The following LRMDA variants were observed in gnomAD, a reference collection of about 807,000 sequenced individuals.
LRMDA encodes leucine-rich melanocyte differentiation-associated protein.
LRMDA carries 18 observed loss-of-function variants against 29.8 expected under a neutral mutation model. The observed-to-expected ratio is 0.60, with a 90% CI of 0.42 to 0.90. The LOEUF (loss-of-function observed/expected upper bound fraction) is 0.90, where lower values mean the gene tolerates loss of function less well. LRMDA is among the 40% of genes least tolerant of loss of function. The pLI is 0.00. For synonymous variants in LRMDA, 125 were observed against 109.4 expected, an observed-to-expected ratio of 1.14 and a Z score of -0.89; for missense variants, 273 against 273.9, an observed-to-expected ratio of 1.00 and a Z score of 0.02.
intron 2 of LRMDA, among the ~76,000 whole-genome samples, chr10:75,725,134 T>A (rs1842615469): frequency 6.6e-6 from 1 of 152,236 alleles, no homozygotes. Context: ...TATGGCTAAA[T>A]GTCCTAAATA....
At chr10:76,368,820 T>C (rs1012657170) in intron 6 of LRMDA, among the ~76,000 whole-genome samples, 1 of 152,204 alleles carries the variant, frequency 6.6e-6, no homozygotes, top group Non-Finnish European at 1.5e-5. Context: ...TTGTGATATT[T>C]TCCTGTTGGA....
intron 2 of LRMDA, among the ~76,000 whole-genome samples, chr10:75,458,463 G>T (rs1844546406): frequency 8.8e-6 from 1 of 114,166 alleles, no homozygotes; most frequent in African/African-American, 2.6e-5. Context: ...TGTTTTAAAA[G>T]GGAAGAGGGA....
intron 2 of LRMDA, among the ~76,000 whole-genome samples, chr10:75,697,653 A>G (rs1347919247): frequency 6.6e-6 from 1 of 152,166 alleles, no homozygotes; most frequent in Non-Finnish European, 1.5e-5. Context: ...GTGGCATCAG[A>G]AAGAGATTTT....
intron 5 of LRMDA, among the ~76,000 whole-genome samples, chr10:76,219,095 A>T (rs1373805501): frequency 6.6e-6 from 1 of 152,208 alleles, no homozygotes; most frequent in Non-Finnish European, 1.5e-5. Context: ...GGCCTGCCCT[A>T]AAAGAACTCC....
chr10:75,443,645 G>C (rs1844356379), intron 2 of LRMDA, among the ~76,000 whole-genome samples: 1 of 152,114 alleles, frequency 6.6e-6, no homozygotes, highest in Non-Finnish European at 1.5e-5. Context: ...TGTTCATCAG[G>C]GATATTGGCT....
At chr10:76,222,664 T>C (rs1336218110) in intron 5 of LRMDA, among the ~76,000 whole-genome samples, 9 of 152,240 alleles carry the variant, frequency 5.9e-5, no homozygotes, top group Admixed American at 3.3e-4. Context: ...TTTTACACTG[T>C]TGGTGGGACT....
chr10:75,580,797 T>G (rs1359018940), intron 2 of LRMDA, among the ~76,000 whole-genome samples: 3 of 152,154 alleles, frequency 2.0e-5, no homozygotes, highest in Non-Finnish European at 4.4e-5. Flanking sequence ...TTGACAAACC[T>G]GACAAAATCA....
At chr10:76,531,191 A>G (rs1057244883) in intron 6 of LRMDA, among the ~76,000 whole-genome samples, 7 of 152,110 alleles carry the variant, frequency 4.6e-5, no homozygotes, top group African/African-American at 1.7e-4. Context: ...CTAATATGGG[A>G]GAGACCAGCC....
chr10:76,377,485 G>A (rs1841535436), intron 6 of LRMDA, among the ~76,000 whole-genome samples: 2 of 152,146 alleles, frequency 1.3e-5, no homozygotes, highest in Admixed American at 1.3e-4. Flanking sequence ...TGTCAGAAGA[G>A]TTTTTGCTAA....
At chr10:76,550,961 C>T (rs1394218303) in intron 6 of LRMDA, among the ~76,000 whole-genome samples, 2 of 152,244 alleles carry the variant, frequency 1.3e-5, no homozygotes, top group African/African-American at 4.8e-5. Context: ...TAGCACATCA[C>T]ATGGGCTGAC....
intron 2 of LRMDA, among the ~76,000 whole-genome samples, chr10:75,719,670 T>C (rs1206555923): frequency 6.6e-6 from 1 of 152,208 alleles, no homozygotes; most frequent in Non-Finnish European, 1.5e-5. Flanking sequence ...AGGTAGGGTT[T>C]GCACAGCATT....
At chr10:75,597,679 G>C (rs2132088916) in intron 2 of LRMDA, among the ~76,000 whole-genome samples, 1 of 152,166 alleles carries the variant, frequency 6.6e-6, no homozygotes, top group East Asian at 1.9e-4. Flanking sequence ...TAAGACGATT[G>C]GTAGCCTGTT....
intron 6 of LRMDA, among the ~76,000 whole-genome samples, chr10:76,545,295 T>A (rs1330221352): frequency 1.3e-5 from 2 of 151,976 alleles, no homozygotes; most frequent in Non-Finnish European, 2.9e-5. Context: ...ACTGTGGATG[T>A]TCCCTGCTTT....
chr10:75,446,049 C>T (rs1182801320), intron 2 of LRMDA, among the ~76,000 whole-genome samples: 1 of 152,208 alleles, frequency 6.6e-6, no homozygotes, highest in African/African-American at 2.4e-5. Flanking sequence ...TCCCCTGCTG[C>T]AGGCAATGAG....
intron 2 of LRMDA, among the ~76,000 whole-genome samples, chr10:75,482,306 G>A (rs1844863786): frequency 6.6e-6 from 1 of 152,184 alleles, no homozygotes; most frequent in African/African-American, 2.4e-5. Context: ...CTCACGTGGA[G>A]CAGACCTAAG....
At chr10:76,373,401 T>C (rs1478170458) in intron 6 of LRMDA, among the ~76,000 whole-genome samples, 2 of 152,114 alleles carry the variant, frequency 1.3e-5, no homozygotes, top group Non-Finnish European at 2.9e-5. Context: ...ATTATAATAA[T>C]ATTTATATGT....
intron 6 of LRMDA, among the ~76,000 whole-genome samples, chr10:76,551,859 A>T (rs1843499579): frequency 6.6e-6 from 1 of 152,134 alleles, no homozygotes; most frequent in South Asian, 2.1e-4. Flanking sequence ...ACCTCTTCAC[A>T]ACATTGTTAT....
At chr10:75,551,098 A>T (rs551787452) in intron 2 of LRMDA, among the ~76,000 whole-genome samples, 1 of 151,160 alleles carries the variant, frequency 6.6e-6, no homozygotes, top group East Asian at 1.9e-4. Flanking sequence ...AAATGAAAAT[A>T]TTCTGTTTAA....
chr10:75,503,985 T>A (rs774101400), intron 2 of LRMDA, among the ~76,000 whole-genome samples: 24 of 151,328 alleles, frequency 1.6e-4, no homozygotes, highest in Non-Finnish European at 3.4e-4. Context: ...TTCATTCATT[T>A]GTGTGTTAGG....
Sources: gnomAD v4.1 joint callset for allele counts (sites outside exome capture counted in the v4.1 genomes callset) on GRCh38, gnomAD v4.1.1 for gene constraint, MANE v1.5 for transcripts, NCBI Gene and HGNC (gene_info 2026-07-23, HGNC 2026-07-21) for gene names.